Variants in FOXP2 observed in about 807,000 individuals in gnomAD.
The protein encoded by FOXP2 is forkhead box protein P2.
Under a neutral mutation model 115.8 loss-of-function variants are expected in FOXP2, and 12 were observed. The ratio of observed to expected loss-of-function variants is 0.10; its 90% CI spans 0.07 to 0.17. FOXP2 has a LOEUF of 0.17. Ranked by LOEUF, FOXP2 falls within the 10% of genes least tolerant of loss-of-function variation. FOXP2 has a pLI of 1.00. For missense variants in FOXP2, 629 were observed against 843.5 expected (o/e 0.75, Z 3.15); for synonymous variants, 328 against 297.7 (o/e 1.10, Z -1.05).
At position 114,690,250 on chromosome 7, in the gene FOXP2, A is replaced by T; in HGVS notation, c.*324A>T. 4.3e-6 allele frequency: 2 copies of T among 468,412 alleles called. No homozygotes were observed. Among genetic ancestry groups the T allele is most frequent in the Non-Finnish European group, 8.5e-6 (2 of 236,664 alleles). 29.0% of individuals were successfully genotyped at this position (468,412 alleles called of 1,614,324 possible). ...AATGTGGCTCTTAAGGGTTCATGAA[A>T]TGACTGAATATGAGGATACATGTCC... On this transcript the variant is annotated 3_prime_UTR_variant, in exon 17 of 17. Coordinates refer to ENST00000350908, the MANE Select transcript of FOXP2 (RefSeq NM_014491.4).
chr7:114,637,403 C>T (rs1373107703), intron 6 of FOXP2, among the ~76,000 whole-genome samples: 2 of 151,986 alleles, frequency 1.3e-5, no homozygotes, highest in South Asian at 2.1e-4. Context: ...GTATATATAT[C>T]CTTGAAATAA....
At chr7:114,568,163 A>G (rs1801114262) in intron 3 of FOXP2, among the ~76,000 whole-genome samples, 1 of 151,918 alleles carries the variant, frequency 6.6e-6, no homozygotes, top group Non-Finnish European at 1.5e-5. Flanking sequence ...AAATGTCACT[A>G]TGAGCCCTCA....
chr7:114,481,962 A>C (rs1796567144), intron 2 of FOXP2, among the ~76,000 whole-genome samples: 1 of 151,210 alleles, frequency 6.6e-6, no homozygotes, highest in Non-Finnish European at 1.5e-5. Flanking sequence ...CTTTAAAAAG[A>C]GGGGGGCACT....
chr7:114,613,510 C>T (rs950887159), intron 3 of FOXP2, among the ~76,000 whole-genome samples: 1 of 151,828 alleles, frequency 6.6e-6, no homozygotes, highest in Non-Finnish European at 1.5e-5. Flanking sequence ...CCCGTCTCTA[C>T]TAAAAATACA....
At chr7:114,588,283 G>A (rs1234727049) in intron 3 of FOXP2, among the ~76,000 whole-genome samples, 2 of 151,532 alleles carry the variant, frequency 1.3e-5, no homozygotes, top group East Asian at 2.0e-4. Context: ...ATCCAGCCTG[G>A]GCAACAGATG....
chr7:114,426,663 A>G lies in FOXP2; in HGVS notation c.152A>G (p.His51Arg). The G allele has an allele frequency of 6.2e-7, 1 of 1,611,166 alleles. No homozygotes were observed. Among genetic ancestry groups the G allele is most frequent in the Non-Finnish European group, 8.5e-7 (1 of 1,178,062 alleles). Residue 51 changes from histidine (H) to arginine (R), a missense_variant, in exon 2 of 17, where the codon CAT becomes CGT. His to Arg is a conservative substitution (Grantham distance 29, BLOSUM62 0). Transcript: ENST00000350908. ...GAAGTAAGCACAGTAGAACTGCTGCATCTGCAACAACAGCAGGTAAGTTTT... is the reference window on the plus strand; with the variant it reads ...GAAGTAAGCACAGTAGAACTGCTGCGTCTGCAACAACAGCAGGTAAGTTTT... ...SSEVSTVELL[H>R]LQQQQALQAA...
At chr7:114,349,041 T>C (rs142814786) in intron 2 of FOXP2, among the ~76,000 whole-genome samples, 152 of 152,230 alleles carry the variant, frequency 1.0e-3, no homozygotes, top group African/African-American at 3.5e-3. Context: ...TAGAGAATTA[T>C]TGTTATATGT....
intron 6 of FOXP2, among the ~76,000 whole-genome samples, chr7:114,636,712 A>G (rs1470736223): frequency 6.6e-6 from 1 of 152,084 alleles, no homozygotes; most frequent in Non-Finnish European, 1.5e-5. Flanking sequence ...TGATAAGTAA[A>G]AATCATCTTA....
In FOXP2 at chr7:114,176,263, C is replaced by CCTTTCTTTCTTT. The variant is rs377227249; in HGVS notation, c.-102+13202_-102+13213dup. On this transcript the variant is annotated intron_variant, in intron 1 of 17. Coordinates refer to the FOXP2 transcript ENST00000634411. Reference sequence around the variant, plus strand: ...TTCTTTCTTTCTCTCTCTCTCTTTCCCTTTCTTTCTTTCTTTCTTTCTTTC... The same window carrying CCTTTCTTTCTTT: ...TTCTTTCTTTCTCTCTCTCTCTTTCCCTTTCTTTCTTTCTTTCTTTCTTTCTTTCTTTCTTTC... Among the ~76,000 whole-genome samples the CCTTTCTTTCTTT allele has an allele frequency of 5.1e-3, 634 of 123,476 alleles. 19 individuals are homozygous for CCTTTCTTTCTTT. The highest frequency in any genetic ancestry group is 0.016 in the African/African-American group (430 of 26,502). The allele number at this position is 123,476 out of a possible 152,430, so 81.0% of individuals were successfully genotyped here. A position where few individuals can be genotyped will look rare whatever the true frequency, so the allele number is the denominator to read the frequency against.
chr7:114,368,146 T>C (rs1791923817), intron 2 of FOXP2, among the ~76,000 whole-genome samples: 1 of 152,194 alleles, frequency 6.6e-6, no homozygotes, highest in Non-Finnish European at 1.5e-5. Flanking sequence ...CCCTCACTAG[T>C]CTGAAGTGAC....
At chr7:114,176,324 CTTTT>C (rs1282886151) in intron 1 of FOXP2, among the ~76,000 whole-genome samples, 39 of 119,660 alleles carry the variant, frequency 3.3e-4, no homozygotes, top group African/African-American at 1.3e-3. Flanking sequence ...CTCTCTCTTT[CTTTT>C]TCTTTCTTTC....
intron 2 of FOXP2, among the ~76,000 whole-genome samples, chr7:114,313,656 A>G (rs1797200518): frequency 1.5e-5 from 1 of 67,274 alleles, no homozygotes; most frequent in African/African-American, 1.6e-4. Context: ...GAGGCAGGAG[A>G]ATGGCGTGAA....
At chr7:114,455,327 C>A (rs1462015313) in intron 2 of FOXP2, among the ~76,000 whole-genome samples, 1 of 152,152 alleles carries the variant, frequency 6.6e-6, no homozygotes, top group Admixed American at 6.5e-5. Context: ...GTCATAAATG[C>A]TAAGTCTTTT....
chr7:114,267,752 TAAATA>T (rs2129172302), intron 1 of FOXP2, among the ~76,000 whole-genome samples: 1 of 143,316 alleles, frequency 7.0e-6, no homozygotes, highest in South Asian at 2.1e-4. Context: ...AATAAATAAA[TAAATA>T]AATAAATAAA....
At position 114,257,332 on chromosome 7, in the gene FOXP2, A is replaced by G. The variant is rs556456830; in HGVS notation, c.-101-30687A>G. Among the ~76,000 whole-genome samples the G allele has an allele frequency of 1.4e-4, 21 of 152,270 alleles. No homozygotes were observed. The South Asian group carries it at 4.4e-3, about 32-fold the overall frequency. ...AGACTTAAATGTAAAACCCCAAACT[A>G]TAAAAACCCTAGAAGAAAATCTAGG... On this transcript the variant is annotated intron_variant, in intron 1 of 17. Coordinates refer to the FOXP2 transcript ENST00000634411.
chr7:114,602,201 T>A (rs760233758), intron 3 of FOXP2, among the ~76,000 whole-genome samples: 4 of 152,134 alleles, frequency 2.6e-5, no homozygotes, highest in Admixed American at 6.5e-5. Flanking sequence ...GTTATATTTG[T>A]CTGGTAATAT....
chr7:114,617,594 G>A lies in FOXP2; in HGVS notation c.259-10946G>A, dbSNP rs563379697. Among the ~76,000 whole-genome samples the A allele has an allele frequency of 4.6e-5, 7 of 152,294 alleles. No individual in the cohort carries two copies. The South Asian group carries it at 1.2e-3, about 27-fold the overall frequency. ...GGATCACCTGAGGTCAGGAGTTTTA[G>A]CCAGGTCTGGCCAATGTGGTGAAAC... is the stretch of plus-strand genomic sequence containing the variant. On this transcript the variant is annotated intron_variant, in intron 3 of 16. Transcript: ENST00000350908.
chr7:114,215,307 C>T (rs1794457723), intron 1 of FOXP2, among the ~76,000 whole-genome samples: 1 of 151,918 alleles, frequency 6.6e-6, no homozygotes, highest in Admixed American at 6.6e-5. Flanking sequence ...CACATCAATC[C>T]CCATTTTACA....
At chr7:114,306,805 A>T (rs951223177) in intron 2 of FOXP2, among the ~76,000 whole-genome samples, 3 of 152,012 alleles carry the variant, frequency 2.0e-5, no homozygotes, top group Admixed American at 2.0e-4. Flanking sequence ...CAGCTTCTAG[A>T]GGCTGCCTAC....
Sources: allele counts gnomAD v4.1 joint callset (sites outside exome capture counted in the v4.1 genomes callset), GRCh38; gene constraint gnomAD v4.1.1; transcripts MANE v1.5; gene names NCBI Gene and HGNC (gene_info 2026-07-23, HGNC 2026-07-21).